Variants in CCM2L observed in about 807,000 individuals in gnomAD.
CCM2L encodes the protein cerebral cavernous malformations 2 protein-like.
CCM2L carries 36 observed loss-of-function variants against 54.1 expected under a neutral mutation model. The ratio of observed to expected loss-of-function variants is 0.67; its 90% confidence interval spans 0.51 to 0.88. The LOEUF is 0.88. Among genes scored for constraint, CCM2L ranks in the 40% least tolerant of loss-of-function variants. The pLI is 0.00. For synonymous variants in CCM2L, 351 were observed against 359.3 expected, an observed-to-expected ratio of 0.98 and a Z score of 0.26; for missense variants, 700 against 812.1, an observed-to-expected ratio of 0.86 and a Z score of 1.68.
intron 1 of CCM2L, among the ~76,000 whole-genome samples, 180 bp downstream of exon 1, chr20:32,010,664 T>C (rs1411654948): frequency 1.3e-5 from 2 of 152,086 alleles, no homozygotes; most frequent in Non-Finnish European, 2.9e-5. Context: ...AAACTCCCTG[T>C]TTCTCCACTC....
intron 1 of CCM2L, among the ~76,000 whole-genome samples, chr20:32,013,428 G>A (rs1193085445): frequency 6.6e-6 from 1 of 152,050 alleles, no homozygotes; most frequent in Non-Finnish European, 1.5e-5. Context: ...TGTGTGTGGA[G>A]TGGGGGGGTG....
In CCM2L at chr20:32,031,982, T is replaced by G. The variant is rs964788582; in HGVS notation, c.*668T>G. 6.6e-6 allele frequency: 1 copy of G among 151,914 alleles called. No homozygotes were observed. The highest frequency in any genetic ancestry group is 2.4e-5 in the African/African-American group (1 of 41,322). 9.4% of individuals were successfully genotyped at this position (151,914 alleles called of 1,614,324 possible). On this transcript the variant is annotated 3_prime_UTR_variant, in exon 10 of 10. Transcript: ENST00000452892. ...TGGTCTTAAGACCCCAAACAAGGGT[T>G]TTTTCAGCTCCAGGATCTGGAGCCT...
intron 5 of CCM2L, among the ~76,000 whole-genome samples, chr20:32,021,326 C>T (rs998290337): frequency 8.5e-5 from 13 of 152,132 alleles, no homozygotes; most frequent in South Asian, 2.1e-4. Flanking sequence ...GAGGGCTTTG[C>T]GGTACTGAAC....
Position 32,031,902 on chromosome 20 carries a change from G to C in CCM2L, c.*588G>C, listed in dbSNP as rs2064934425. The stretch of plus-strand genomic sequence containing the variant: ...GCCTGACTTGTACAGTCAGTGTGGA[G>C]TAGACGGTTTCCTCCACCCAGGGTT... On this transcript the variant is annotated 3_prime_UTR_variant, in exon 10 of 10. Transcript: ENST00000452892. 1.3e-5 allele frequency: 2 copies of C among 152,220 alleles called. No homozygotes were observed. The highest frequency in any genetic ancestry group is 2.9e-5 in the Non-Finnish European group (2 of 68,084). The allele number at this position is 152,220 out of a possible 1,614,324, so 9.4% of individuals were successfully genotyped here.
chr20:32,022,928 C>G (rs1568921284), intron 6 of CCM2L, 133 bp downstream of exon 6: 1 of 955,246 alleles, frequency 1.0e-6, no homozygotes, highest in Non-Finnish European at 1.5e-6. Flanking sequence ...CAGTGTACCC[C>G]ACAATTGTAG....
Position 32,029,055 on chromosome 20 carries a change from T to C in CCM2L, c.1194T>C (p.His398=). ...GCGGCACGTCCACACCTTCTTTCCA[T>C]GGCTCCCACTGCAGCGGCAGCGACC... The part of the protein sequence containing the change: ...CYSGTSTPSF[H]GSHCSGSDHS... Residue 398 remains histidine (H), a synonymous_variant, in exon 8 of 10, where the codon CAT becomes CAC. Coordinates refer to ENST00000452892, the MANE Select transcript of CCM2L (RefSeq NM_001365692.1). 6.2e-7 allele frequency: 1 copy of C among 1,614,160 alleles called. No homozygotes were observed. The highest frequency in any genetic ancestry group is 8.5e-7 in the Non-Finnish European group (1 of 1,180,002).
rs1455624796 is a variant in CCM2L at position 32,031,904 on chromosome 20, A to G, written c.*590A>G. On this transcript the variant is annotated 3_prime_UTR_variant, in exon 10 of 10. Transcript: ENST00000452892. ...CTGACTTGTACAGTCAGTGTGGAGT[A>G]GACGGTTTCCTCCACCCAGGGTTGA... 4 of 152,208 alleles carry G rather than the reference A, an allele frequency of 2.6e-5. No homozygotes were observed. Among genetic ancestry groups the G allele is most frequent in the Non-Finnish European group, 5.9e-5 (4 of 68,076 alleles). The allele number at this position is 152,208 out of a possible 1,614,324, so 9.4% of individuals were successfully genotyped here. A position where few individuals can be genotyped will look rare whatever the true frequency, so the allele number is the denominator to read the frequency against.
At chr20:32,011,486 T>TC (rs1183178965) in intron 1 of CCM2L, among the ~76,000 whole-genome samples, 1 of 151,986 alleles carries the variant, frequency 6.6e-6, no homozygotes, top group Non-Finnish European at 1.5e-5. Context: ...ATGCCTGTAA[T>TC]CCCAGCTACT....
At chr20:32,023,708 T>G (rs1179122055) in intron 6 of CCM2L, among the ~76,000 whole-genome samples, 3 of 152,224 alleles carry the variant, frequency 2.0e-5, no homozygotes, top group Non-Finnish European at 4.4e-5. Flanking sequence ...TTCCCATTTT[T>G]TCGTTTGGTT....
rs144199110 is a variant in CCM2L at position 32,022,886 on chromosome 20, G to T, written c.1069+91G>T. The T allele has an allele frequency of 8.0e-4, 1,145 of 1,426,452 alleles. 13 individuals are homozygous for T. In the African/African-American group the frequency reaches 0.015, roughly 18 times the overall value. 88.4% of individuals were successfully genotyped at this position (1,426,452 alleles called of 1,614,324 possible). A position where few individuals can be genotyped will look rare whatever the true frequency, so the allele number is the denominator to read the frequency against. ...TGTCCCAGGACTTGGGCTGATGAAG[G>T]TATTTAGGGCTCCTGATCTCTGCCA... On this transcript the variant is annotated intron_variant, in intron 6 of 9. Coordinates refer to ENST00000452892, the MANE Select transcript of CCM2L (RefSeq NM_001365692.1).
chr20:32,012,165 C>T (rs1568906353), intron 1 of CCM2L, among the ~76,000 whole-genome samples: 1 of 152,068 alleles, frequency 6.6e-6, no homozygotes, highest in Non-Finnish European at 1.5e-5. Context: ...CTAACATAAG[C>T]TGAGTACCCA....
rs776023836 is a variant in CCM2L, at chr20:32,015,091, G to T, written c.198+20G>T. The T allele has an allele frequency of 2.7e-6, 4 of 1,466,608 alleles. No individual in the cohort carries two copies. The highest frequency in any genetic ancestry group is 3.6e-6 in the Non-Finnish European group (4 of 1,109,282). 90.8% of individuals were successfully genotyped at this position (1,466,608 alleles called of 1,614,324 possible). ...GTCAAGGTGCGTGCAGGATGAGAAGGGGTGGGAAAACCTTGGGGTGAGGAG... is the reference window on the plus strand; with the variant it reads ...GTCAAGGTGCGTGCAGGATGAGAAGTGGTGGGAAAACCTTGGGGTGAGGAG... On this transcript the variant is annotated intron_variant, in intron 2 of 9. Coordinates refer to ENST00000452892, the MANE Select transcript of CCM2L (RefSeq NM_001365692.1).
At chr20:32,014,802 T>G in intron 1 of CCM2L, 102 bp from the exon 2 acceptor site, 1 of 1,171,990 alleles carries the variant, frequency 8.5e-7, no homozygotes, top group Non-Finnish European at 1.2e-6. Flanking sequence ...TCTGCAGAGT[T>G]TTGGTGAGAA....
intron 5 of CCM2L, 51 bp downstream of exon 5, chr20:32,019,460 T>TCCCCCCCCCCCCCCCCCCCCC: frequency 7.5e-7 from 1 of 1,327,610 alleles, no homozygotes; most frequent in Non-Finnish European, 9.9e-7. Context: ...GAACGCTGCT[T>TCCCCCCCCCCCCCCCCCCCCC]CCCCGCCCCC....
At chr20:32,017,535 T>G (rs1414677205) in intron 2 of CCM2L, among the ~76,000 whole-genome samples, 1 of 152,210 alleles carries the variant, frequency 6.6e-6, no homozygotes, top group Non-Finnish European at 1.5e-5. Context: ...TCTCTAGCTA[T>G]CTAATCCTGG....
chr20:32,014,800 G>A, intron 1 of CCM2L, 104 bp from the exon 2 acceptor site: 2 of 1,164,688 alleles, frequency 1.7e-6, no homozygotes, highest in South Asian at 3.2e-5. Flanking sequence ...CTTCTGCAGA[G>A]TTTTGGTGAG....
intron 2 of CCM2L, among the ~76,000 whole-genome samples, chr20:32,017,234 T>C (rs2064748198): frequency 6.6e-6 from 1 of 152,220 alleles, no homozygotes; most frequent in South Asian, 2.1e-4. Context: ...TAGTGCATCA[T>C]TTTTCCTGAC....
chr20:32,031,162 G>T lies in CCM2L; in HGVS notation c.1564G>T (p.Ala522Ser). The T allele has an allele frequency of 7.7e-7, 1 of 1,302,670 alleles. No individual in the cohort carries two copies. The highest frequency in any genetic ancestry group is 1.0e-6 in the Non-Finnish European group (1 of 988,484). The allele number at this position is 1,302,670 out of a possible 1,614,324, so 80.7% of individuals were successfully genotyped here. A position where few individuals can be genotyped will look rare whatever the true frequency, so the allele number is the denominator to read the frequency against. ...ASAVRSYDGA[A>S]QRPEAQAFHR... ...CGCAGTGCGCAGCTACGATGGCGCGGCGCAGCGGCCCGAGGCACAGGCCTT... is the reference window on the plus strand; with the variant it reads ...CGCAGTGCGCAGCTACGATGGCGCGTCGCAGCGGCCCGAGGCACAGGCCTT... The change falls in exon 10 of 10, where the codon GCG becomes TCG. Residue 522 changes from alanine (A) to serine (S), a missense_variant. By Grantham distance (99) the Ala-to-Ser change is moderately conservative. Coordinates refer to ENST00000452892, the MANE Select transcript of CCM2L (RefSeq NM_001365692.1).
rs375943159 is a variant in CCM2L, at chr20:32,012,608, AT to A, written c.30+2125del. 2.0e-4 allele frequency among the ~76,000 whole-genome samples: 30 copies of A among 152,292 alleles called. No individual in the cohort carries two copies. The East Asian group carries it at 5.6e-3, about 28-fold the overall frequency. ...CACAGACCAGTAGTATCAGCACCAG[AT>A]GGGAGCTTGGTAGAAATGCACAGTC... On this transcript the variant is annotated intron_variant, in intron 1 of 9. Coordinates refer to ENST00000452892, the MANE Select transcript of CCM2L (RefSeq NM_001365692.1).
Sources: gnomAD v4.1 joint callset for allele counts (sites outside exome capture counted in the v4.1 genomes callset) on GRCh38, gnomAD v4.1.1 for gene constraint, MANE v1.5 for transcripts, NCBI Gene and HGNC (gene_info 2026-07-23, HGNC 2026-07-21) for gene names.